Variants in SCARA5 observed in about 807,000 individuals in gnomAD.
The protein encoded by SCARA5 is scavenger receptor class A, member 5 (putative).
Under a neutral mutation model 46.3 loss-of-function variants are expected in SCARA5, and 45 were observed. That is an observed-to-expected ratio of 0.97 (90% CI 0.76 to 1.24). The LOEUF (loss-of-function observed/expected upper bound fraction) is 1.24. SCARA5 is among the 50% of genes most tolerant of loss of function. SCARA5 has a pLI of 0.00. For missense variants in SCARA5, 680 were observed against 689.0 expected, an observed-to-expected ratio of 0.99 and a Z score of 0.15; for synonymous variants, 333 against 306.5, an observed-to-expected ratio of 1.09 and a Z score of -0.90.
intron 3 of SCARA5, among the ~76,000 whole-genome samples, chr8:27,928,551 C>G (rs1422747064): frequency 6.6e-6 from 1 of 152,240 alleles, no homozygotes; most frequent in Non-Finnish European, 1.5e-5. Flanking sequence ...TGATCATGGG[C>G]TCTGCAGTTT....
chr8:27,895,631 G>C (rs1321053250), intron 7 of SCARA5, among the ~76,000 whole-genome samples: 1 of 152,202 alleles, frequency 6.6e-6, no homozygotes, highest in Non-Finnish European at 1.5e-5. Flanking sequence ...AGGGGAGTGA[G>C]TGACTCTCTC....
intron 1 of SCARA5, among the ~76,000 whole-genome samples, chr8:27,990,582 G>A (rs534390073): frequency 1.4e-4 from 21 of 152,274 alleles, no homozygotes; most frequent in East Asian, 7.7e-4. Context: ...AAGAGGCCCC[G>A]GGCACAGTTT....
Position 27,921,977 on chromosome 8 carries a change from C to A in SCARA5, c.510G>T (p.Leu170=). The change falls in exon 4 of 9, where the codon CTG becomes CTT. Residue 170 remains leucine, a synonymous_variant. Transcript: ENST00000354914. ...AVQTEQAVAL[L]RDRTGQQSDT... The stretch of plus-strand genomic sequence containing the variant: ...CGCTCTGCTGGCCCGTGCGGTCCCG[C>A]AGCAGGGCCACCGCCTGCTCGGTCT... 1.3e-6 allele frequency: 2 copies of A among 1,544,518 alleles called. No individual in the cohort carries two copies. Among genetic ancestry groups the A allele is most frequent in the East Asian group, 2.4e-5 (1 of 42,264 alleles).
intron 7 of SCARA5, among the ~76,000 whole-genome samples, chr8:27,901,429 C>T (rs138358904): frequency 2.2e-4 from 33 of 152,240 alleles, no homozygotes; most frequent in African/African-American, 7.2e-4. Context: ...TTTCCCACCC[C>T]GTAGATCCTA....
Position 27,914,473 on chromosome 8 carries a change from C to T in SCARA5, c.917-4730G>A, listed in dbSNP as rs548129237. The stretch of plus-strand genomic sequence containing the variant: ...CCTCTGCCCACTCCCTGGGCACTAT[C>T]CCCCACCTCGAACTGTGGTTCCCAA... On this transcript the variant is annotated intron_variant, in intron 4 of 8. Coordinates refer to ENST00000354914, the MANE Select transcript of SCARA5 (RefSeq NM_173833.6). 6.1e-4 allele frequency among the ~76,000 whole-genome samples: 93 copies of T among 152,320 alleles called. 1 individual carries two copies. Among genetic ancestry groups the T allele is most frequent in the Middle Eastern group, 3.4e-3 (1 of 294 alleles).
intron 3 of SCARA5, among the ~76,000 whole-genome samples, chr8:27,950,132 G>A (rs1049689006): frequency 2.6e-5 from 4 of 152,128 alleles, no homozygotes; most frequent in African/African-American, 9.7e-5. Context: ...TTGCAGCCAG[G>A]GCAGGTGCAG....
intron 3 of SCARA5, among the ~76,000 whole-genome samples, chr8:27,952,734 C>T (rs762624632): frequency 1.3e-5 from 2 of 152,144 alleles, no homozygotes; most frequent in Admixed American, 6.5e-5. Flanking sequence ...AATTATTGGC[C>T]GTATGGACAA....
At chr8:27,935,716 G>T (rs148195139) in intron 3 of SCARA5, among the ~76,000 whole-genome samples, 1 of 152,198 alleles carries the variant, frequency 6.6e-6, no homozygotes, top group Admixed American at 6.5e-5. Flanking sequence ...ACAATGACAC[G>T]TCTGGATTCT....
At chr8:27,907,694 C>T (rs923255681) in intron 5 of SCARA5, among the ~76,000 whole-genome samples, 1 of 151,678 alleles carries the variant, frequency 6.6e-6, no homozygotes, top group Non-Finnish European at 1.5e-5. Flanking sequence ...CTCACCCTCC[C>T]GAGTAACTGG....
At chr8:27,880,239 GT>G (rs1246287232) in intron 7 of SCARA5, among the ~76,000 whole-genome samples, 5 of 152,090 alleles carry the variant, frequency 3.3e-5, no homozygotes, top group African/African-American at 1.2e-4. Flanking sequence ...ACCTCAAACT[GT>G]AAGAATCCTG....
chr8:27,889,448 G>A (rs1332674307), intron 7 of SCARA5, among the ~76,000 whole-genome samples: 1 of 152,170 alleles, frequency 6.6e-6, no homozygotes, highest in African/African-American at 2.4e-5. Context: ...GGGAGCAGAG[G>A]CCCAGAGAGG....
intron 3 of SCARA5, among the ~76,000 whole-genome samples, chr8:27,944,153 C>A (rs1222947967): frequency 6.6e-6 from 1 of 152,166 alleles, no homozygotes; most frequent in Non-Finnish European, 1.5e-5. Flanking sequence ...GGCAAGGAAC[C>A]CATCTAGAAA....
At chr8:27,946,107 C>A (rs537303010) in intron 3 of SCARA5, among the ~76,000 whole-genome samples, 1 of 152,176 alleles carries the variant, frequency 6.6e-6, no homozygotes, top group Non-Finnish European at 1.5e-5. Context: ...ATTTATCACT[C>A]TCTTATTTGT....
At chr8:27,919,241 G>GGAGGAAGAC (rs1554572007) in intron 4 of SCARA5, among the ~76,000 whole-genome samples, 1 of 140,052 alleles carries the variant, frequency 7.1e-6, no homozygotes, top group African/African-American at 2.7e-5. Context: ...AGGAAGAGAC[G>GGAGGAAGAC]GAGGAGGAAG....
At chr8:27,881,445 C>A (rs551787499) in intron 7 of SCARA5, among the ~76,000 whole-genome samples, 31 of 137,186 alleles carry the variant, frequency 2.3e-4, no homozygotes, top group Non-Finnish European at 4.7e-4. Flanking sequence ...TGAATTAATG[C>A]AGGAACAGAA....
chr8:27,991,422 G>C (rs1808784380), intron 1 of SCARA5, among the ~76,000 whole-genome samples: 1 of 152,210 alleles, frequency 6.6e-6, no homozygotes, highest in Non-Finnish European at 1.5e-5. Flanking sequence ...AAACAAAGCT[G>C]TTTGAAGTTC....
chr8:27,937,842 C>T (rs1332327870), intron 3 of SCARA5, among the ~76,000 whole-genome samples: 1 of 152,136 alleles, frequency 6.6e-6, no homozygotes, highest in South Asian at 2.1e-4. Context: ...TCTCCTCTTC[C>T]TATAAGGACA....
chr8:27,940,665 T>C (rs964697868), intron 3 of SCARA5, among the ~76,000 whole-genome samples: 18 of 106,802 alleles, frequency 1.7e-4, no homozygotes, highest in African/African-American at 5.6e-4. Flanking sequence ...TGTCCATCCA[T>C]CCATTTGTCC....
At chr8:27,984,174 C>G (rs1334591471) in intron 2 of SCARA5, among the ~76,000 whole-genome samples, 3 of 152,078 alleles carry the variant, frequency 2.0e-5, no homozygotes, top group African/African-American at 7.2e-5. Flanking sequence ...ATCAAAGATG[C>G]AGCAAAACCC....
Sources: gnomAD v4.1 joint callset for allele counts (sites outside exome capture counted in the v4.1 genomes callset) on GRCh38, gnomAD v4.1.1 for gene constraint, MANE v1.5 for transcripts, NCBI Gene and HGNC (gene_info 2026-07-23, HGNC 2026-07-21) for gene names.